C19orf38: variants seen among roughly 807,000 people sequenced by gnomAD.
C19orf38 encodes chromosome 19 open reading frame 38.
A neutral mutation model predicts 26.6 loss-of-function variants in C19orf38; 14 were observed. That is an observed-to-expected ratio of 0.53 (90% CI 0.35 to 0.82). The LOEUF is 0.82. Among genes scored for constraint, C19orf38 ranks in the 40% least tolerant of loss-of-function variants. C19orf38 has a pLI of 0.01. For synonymous variants in C19orf38, 132 were observed against 128.5 expected, an observed-to-expected ratio of 1.03 and a Z score of -0.18; for missense variants, 261 against 299.5, an observed-to-expected ratio of 0.87 and a Z score of 0.95.
chr19:10,859,815 A>G (rs1268294422), intron 4 of C19orf38, 100 bp from the exon 5 acceptor site: 1 of 1,075,790 alleles, frequency 9.3e-7, no homozygotes, highest in Admixed American at 2.0e-5. Context: ...AGCAAAGGCT[A>G]CATTTTGGGT....
At chr19:10,862,075 T>A (rs2073703939) in intron 5 of C19orf38, among the ~76,000 whole-genome samples, 1 of 151,476 alleles carries the variant, frequency 6.6e-6, no homozygotes, top group African/African-American at 2.4e-5. Context: ...ATTTTTTGTA[T>A]TTTTTTAGTA....
intron 1 of C19orf38, among the ~76,000 whole-genome samples, chr19:10,841,311 C>CAA (rs1273454286): frequency 3.3e-5 from 5 of 151,832 alleles, no homozygotes; most frequent in Non-Finnish European, 7.4e-5. Context: ...CTCCTACCAC[C>CAA]ATCTTTACAA....
Position 10,848,477 on chromosome 19 carries a change from C to T in C19orf38, c.-32C>T, listed in dbSNP as rs374576200. 2.4e-4 allele frequency: 368 copies of T among 1,551,400 alleles called. No individual in the cohort carries two copies. Among genetic ancestry groups the T allele is most frequent in the Non-Finnish European group, 2.9e-4 (335 of 1,146,852 alleles). On this transcript the variant is annotated 5_prime_UTR_variant, in exon 1 of 7. Transcript: ENST00000397820. The stretch of plus-strand genomic sequence containing the variant: ...GGGGAGCCTTGGGCCCCTCTGGCCT[C>T]AGCCGGATTTCCCAGCCAAACGCAG...
rs774850517 is a variant in C19orf38 at position 10,850,213 on chromosome 19, C to T, written c.32-46C>T. 3.1e-5 allele frequency: 47 copies of T among 1,493,056 alleles called. No individual in the cohort carries two copies. The South Asian group carries it at 5.7e-4, about 18-fold the overall frequency. The allele number at this position is 1,493,056 out of a possible 1,614,324, so 92.5% of individuals were successfully genotyped here. On this transcript the variant is annotated intron_variant, in intron 1 of 6. Transcript: ENST00000397820. Reference sequence around the variant, plus strand: ...CCCGAGGCCACATAGCCAGGGCAGCCTCCACTCTCACCACGCACCCACCCA... The same window carrying T: ...CCCGAGGCCACATAGCCAGGGCAGCTTCCACTCTCACCACGCACCCACCCA...
chr19:10,867,298 G>A (rs1366358141), intron 6 of C19orf38, among the ~76,000 whole-genome samples: 4 of 151,554 alleles, frequency 2.6e-5, no homozygotes, highest in East Asian at 2.0e-4. Flanking sequence ...CATGCCATAC[G>A]TAGCCTGTGT....
intron 1 of C19orf38, chr19:10,842,097 G>T (rs1267007055): frequency 1.6e-5 from 25 of 1,583,836 alleles, no homozygotes; most frequent in Non-Finnish European, 2.2e-5. Context: ...GCAGACTCCC[G>T]TAGGTAATGC....
At position 10,850,262 on chromosome 19, in the gene C19orf38, C is replaced by T. The variant is rs2073555837; in HGVS notation, c.35C>T (p.Ser12Phe). The T allele has an allele frequency of 6.5e-7, 1 of 1,549,560 alleles. No homozygotes were observed. The highest frequency in any genetic ancestry group is 8.7e-7 in the Non-Finnish European group (1 of 1,146,790). ...CACCTTACCCTCTGCATTGCAGGCT[C>T]CTTGGCGATCCCAGCACCATCCATC... Reference protein sequence around the residue: ...PWTILLFAAGSLAIPAPSIRL... With the variant: ...PWTILLFAAGFLAIPAPSIRL... Residue 12 changes from serine (S) to phenylalanine (F), a missense_variant, in exon 2 of 7, where the codon TCC becomes TTC. Physicochemically the swap from Ser to Phe is radical, Grantham distance 155. Coordinates refer to ENST00000397820, the MANE Select transcript of C19orf38 (RefSeq NM_001136482.3).
chr19:10,843,504 G>C (rs1215629623), upstream of C19orf38, among the ~76,000 whole-genome samples: 2 of 152,214 alleles, frequency 1.3e-5, no homozygotes, highest in Non-Finnish European at 2.9e-5. Flanking sequence ...TTGTCTTCTT[G>C]TCTGACTCTT....
intron 1 of C19orf38, among the ~76,000 whole-genome samples, chr19:10,839,080 T>G (rs1260625976): frequency 6.6e-6 from 1 of 152,112 alleles, no homozygotes; most frequent in Non-Finnish European, 1.5e-5. Flanking sequence ...TAATTTTTTG[T>G]ATTTTTAGTA....
At chr19:10,847,304 G>A (rs572454998), upstream of C19orf38, among the ~76,000 whole-genome samples, 1 of 151,294 alleles carries the variant, frequency 6.6e-6, no homozygotes, top group South Asian at 2.1e-4. Context: ...TACCTTGTGA[G>A]CATGCACTAC....
intron 4 of C19orf38, among the ~76,000 whole-genome samples, 160 bp downstream of exon 4, chr19:10,858,503 A>C (rs2146265812): frequency 6.6e-6 from 1 of 152,242 alleles, no homozygotes; most frequent in East Asian, 1.9e-4. Context: ...TGTGTGCTGG[A>C]GGACTGAGCT....
chr19:10,860,429 G>A (rs1020488267), intron 5 of C19orf38, among the ~76,000 whole-genome samples: 1 of 150,768 alleles, frequency 6.6e-6, no homozygotes, highest in Non-Finnish European at 1.5e-5. Flanking sequence ...AGCTACTTGG[G>A]AGGCTGAGGC....
intron 1 of C19orf38, among the ~76,000 whole-genome samples, chr19:10,838,135 G>C (rs1305566499): frequency 2.6e-5 from 4 of 152,162 alleles, no homozygotes; most frequent in Admixed American, 2.0e-4. Flanking sequence ...TTAAGGCCGG[G>C]TGTGGTGGCT....
chr19:10,843,362 C>T (rs1243765432), intron 1 of C19orf38, among the ~76,000 whole-genome samples: 1 of 152,226 alleles, frequency 6.6e-6, no homozygotes, highest in Non-Finnish European at 1.5e-5. Context: ...GGACCTGCCC[C>T]TATCTGCCTA....
chr19:10,868,638 C>T lies in C19orf38; in HGVS notation c.544-580C>T, dbSNP rs570263288. 7.7e-3 allele frequency among the ~76,000 whole-genome samples: 1,166 copies of T among 152,126 alleles called. 15 individuals carry two copies. Among genetic ancestry groups the T allele is most frequent in the Non-Finnish European group, 7.0e-3 (476 of 68,004 alleles). The stretch of plus-strand genomic sequence containing the variant: ...AGGTGATTCTCCTGCCTCAGCCTCC[C>T]GAGTAGCTGGGATTACAGGCGTGCA... On this transcript the variant is annotated intron_variant, in intron 6 of 6. Transcript: ENST00000397820.
At position 10,869,602 on chromosome 19, in the gene C19orf38, C is replaced by A; in HGVS notation, c.*235C>A. 1 of 549,200 alleles carries A rather than the reference C, an allele frequency of 1.8e-6. No homozygotes were observed. Among genetic ancestry groups the A allele is most frequent in the Admixed American group, 3.9e-5 (1 of 25,932 alleles). The allele number at this position is 549,200 out of a possible 1,614,324, so 34.0% of individuals were successfully genotyped here. On this transcript the variant is annotated 3_prime_UTR_variant, in exon 7 of 7. Transcript: ENST00000397820. ...CTCTCGACCTTCGGCTCCTCAGGAC[C>A]ACCAGAGAAGGAGATGTCAGGACCC...
At chr19:10,862,932 C>CA (rs78693659) in intron 5 of C19orf38, among the ~76,000 whole-genome samples, 5,985 of 152,064 alleles carry the variant, frequency 0.039, 466 homozygotes, top group East Asian at 0.36. Flanking sequence ...ATAAGACACC[C>CA]ATTTTCCTGA....
intron 2 of C19orf38, among the ~76,000 whole-genome samples, chr19:10,852,920 A>G (rs946209483): frequency 9.2e-5 from 14 of 151,796 alleles, no homozygotes; most frequent in African/African-American, 2.7e-4. Flanking sequence ...CATCAGTCAG[A>G]ACTTTCCTGG....
rs146304066 is a variant in C19orf38, at chr19:10,849,829, C to T, written c.32-430C>T. On this transcript the variant is annotated intron_variant, in intron 1 of 6. Coordinates refer to ENST00000397820, the MANE Select transcript of C19orf38 (RefSeq NM_001136482.3). ...CTATAATCCCAGCACTTTGGGAGGC[C>T]GAGGTGGGGGGAGTCACACGAGGCC... Among the ~76,000 whole-genome samples the T allele has an allele frequency of 3.6e-4, 55 of 151,994 alleles. 1 individual carries two copies. The highest frequency in any genetic ancestry group is 1.3e-3 in the African/African-American group (54 of 41,476).
Sources: allele counts gnomAD v4.1 joint callset (sites outside exome capture counted in the v4.1 genomes callset), GRCh38; gene constraint gnomAD v4.1.1; transcripts MANE v1.5; gene names NCBI Gene and HGNC (gene_info 2026-07-23, HGNC 2026-07-21).